XNDC1N: variants seen among roughly 807,000 people sequenced by gnomAD.
XNDC1N encodes the protein XRCC1 N-terminal domain containing 1, N-terminal like.
At chr11:71,896,308 G>A in the XNDC1N span, among the ~76,000 whole-genome samples, 22 of 152,298 alleles carry the variant, frequency 1.4e-4, no homozygotes, top group African/African-American at 5.3e-4. Flanking sequence ...ATCTCAAGAA[G>A]GTGGAAAGTA....
At chr11:71,887,833 G>A in the XNDC1N span, among the ~76,000 whole-genome samples, 6 of 152,174 alleles carry the variant, frequency 3.9e-5, no homozygotes, top group South Asian at 4.1e-4. Flanking sequence ...TGGGGTTCCC[G>A]CCAGCTGAGG....
chr11:71,913,665 T>TAAACAAAAAAA, the XNDC1N span, among the ~76,000 whole-genome samples: 1 of 105,346 alleles, frequency 9.5e-6, no homozygotes, highest in African/African-American at 3.4e-5. Context: ...TCTCAAAAGA[T>TAAACAAAAAAA]AAAAAAAAAA....
chr11:71,920,324 T>C, the XNDC1N span, among the ~76,000 whole-genome samples: 1 of 150,048 alleles, frequency 6.7e-6, no homozygotes, highest in South Asian at 2.1e-4. Flanking sequence ...TTATTTTTTT[T>C]TGAGATGGAG....
chr11:71,926,334 G>A, the XNDC1N span, among the ~76,000 whole-genome samples: 2 of 152,108 alleles, frequency 1.3e-5, no homozygotes, highest in African/African-American at 4.8e-5. Context: ...CAAACTGCTT[G>A]TAGTTCTCAC....
the XNDC1N span, chr11:71,884,444 A>C: frequency 6.2e-7 from 1 of 1,605,962 alleles, no homozygotes; most frequent in Admixed American, 1.7e-5. Context: ...GTCCTTCAGA[A>C]TATTATCATT....
the XNDC1N span, chr11:71,884,540 T>C: frequency 6.2e-7 from 1 of 1,607,042 alleles, no homozygotes; most frequent in Non-Finnish European, 8.5e-7. Flanking sequence ...TCATTCAAAT[T>C]GATGGACAAA....
chr11:71,887,101 G>A, the XNDC1N span, among the ~76,000 whole-genome samples: 2 of 152,206 alleles, frequency 1.3e-5, no homozygotes, highest in Admixed American at 6.5e-5. Flanking sequence ...AGACTCAAGC[G>A]TCCCCATTGA....
the XNDC1N span, among the ~76,000 whole-genome samples, chr11:71,873,597 TAGA>T: frequency 6.6e-6 from 1 of 152,254 alleles, no homozygotes; most frequent in South Asian, 2.1e-4. Flanking sequence ...AGAAATATCT[TAGA>T]AAAGAATAAT....
chr11:71,867,784 T>C, the XNDC1N span, among the ~76,000 whole-genome samples: 1 of 152,234 alleles, frequency 6.6e-6, no homozygotes, highest in Non-Finnish European at 1.5e-5. Flanking sequence ...TGGACTGTTC[T>C]GTAGATGTCT....
chr11:71,907,612 T>G, the XNDC1N span, among the ~76,000 whole-genome samples: 1 of 152,156 alleles, frequency 6.6e-6, no homozygotes, highest in African/African-American at 2.4e-5. Context: ...ATCATCCTCT[T>G]CCTCTCTGAA....
At chr11:71,919,037 G>C in the XNDC1N span, 1 of 702,416 alleles carries the variant, frequency 1.4e-6, no homozygotes, top group Non-Finnish European at 2.6e-6. Context: ...CTAAGTAAGA[G>C]AGGAGGAGAA....
chr11:71,927,996 G>C, the XNDC1N span: 1 of 158,750 alleles, frequency 6.3e-6, no homozygotes, highest in South Asian at 1.6e-4. Flanking sequence ...AGAGGCGTGT[G>C]AGCTGGGGCT....
the XNDC1N span, chr11:71,884,328 T>A: frequency 3.6e-6 from 5 of 1,379,966 alleles, no homozygotes; most frequent in African/African-American, 5.9e-5. Flanking sequence ...TGCTTTTAAT[T>A]TATTATAAAA....
chr11:71,916,474 A>G, the XNDC1N span: 1 of 535,336 alleles, frequency 1.9e-6, no homozygotes, highest in South Asian at 2.4e-5. Context: ...TTGCCTTCTC[A>G]TCACTCCTCT....
At chr11:71,928,462 C>A in the XNDC1N span, 1 of 702,592 alleles carries the variant, frequency 1.4e-6, no homozygotes, top group East Asian at 2.7e-5. Context: ...CGCCTTCTGA[C>A]CCCGAGAGCT....
At chr11:71,878,080 T>C in the XNDC1N span, among the ~76,000 whole-genome samples, 7 of 152,356 alleles carry the variant, frequency 4.6e-5, no homozygotes, top group African/African-American at 1.7e-4. Flanking sequence ...TATTACGTGG[T>C]TCTTCCCATT....
chr11:71,928,503 G>A, the XNDC1N span: 4 of 702,558 alleles, frequency 5.7e-6, no homozygotes, highest in South Asian at 3.0e-5. Flanking sequence ...ACAGGAATGC[G>A]TTCTGGGGCT....
At chr11:71,898,434 T>C in the XNDC1N span, among the ~76,000 whole-genome samples, 3 of 151,956 alleles carry the variant, frequency 2.0e-5, no homozygotes, top group African/African-American at 7.2e-5. Context: ...TGGTGAAAGC[T>C]CGTCTCTATT....
chr11:71,881,459 A>G, the XNDC1N span, among the ~76,000 whole-genome samples: 1 of 152,140 alleles, frequency 6.6e-6, no homozygotes, highest in Non-Finnish European at 1.5e-5. Flanking sequence ...ACGTCAGCAC[A>G]TTTGGTTTCT....
Sources: gnomAD v4.1 joint callset for allele counts (sites outside exome capture counted in the v4.1 genomes callset) on GRCh38, gnomAD v4.1.1 for gene constraint, MANE v1.5 for transcripts, NCBI Gene and HGNC (gene_info 2026-07-23, HGNC 2026-07-21) for gene names.